The following MRPL48 variants were observed in gnomAD, a reference collection of about 807,000 sequenced individuals.
MRPL48 encodes the protein large ribosomal subunit protein mL48.
Under a neutral mutation model 32.9 loss-of-function variants are expected in MRPL48, and 16 were observed. The ratio of observed to expected loss-of-function variants is 0.49; its 90% CI spans 0.33 to 0.74. The LOEUF is 0.74. Among genes scored for constraint, MRPL48 ranks in the 30% least tolerant of loss-of-function variants. The pLI is 0.02. For missense variants in MRPL48, 206 were observed against 245.3 expected, an observed-to-expected ratio of 0.84 and a Z score of 1.07; for synonymous variants, 94 against 89.2, an observed-to-expected ratio of 1.05 and a Z score of -0.31.
intron 5 of MRPL48, among the ~76,000 whole-genome samples, chr11:73,858,379 C>G (rs574064580): frequency 6.6e-6 from 1 of 152,326 alleles, no homozygotes; most frequent in Non-Finnish European, 1.5e-5. Context: ...CAATTTATAG[C>G]AGAAAAATGG....
chr11:73,850,032 A>G (rs1438024336), intron 5 of MRPL48, among the ~76,000 whole-genome samples: 1 of 152,144 alleles, frequency 6.6e-6, no homozygotes, highest in African/African-American at 2.4e-5. Flanking sequence ...CCCGGGAGGC[A>G]GAGGTTGCAG....
intron 5 of MRPL48, among the ~76,000 whole-genome samples, chr11:73,847,680 G>A (rs1275275908): frequency 2.0e-5 from 3 of 152,060 alleles, no homozygotes; most frequent in Non-Finnish European, 2.9e-5. Context: ...TCCTGACCTC[G>A]TGATCTGCCC....
intron 1 of MRPL48, among the ~76,000 whole-genome samples, chr11:73,795,572 T>C (rs1260196427): frequency 6.6e-6 from 1 of 151,712 alleles, no homozygotes; most frequent in Non-Finnish European, 1.5e-5. Context: ...AGTGGCGCGA[T>C]CTCCGCTCAC....
At chr11:73,798,081 A>AT (rs1565401136) in intron 1 of MRPL48, among the ~76,000 whole-genome samples, 1 of 151,840 alleles carries the variant, frequency 6.6e-6, no homozygotes, top group African/African-American at 2.4e-5. Flanking sequence ...AAACAAAAAC[A>AT]ATTTTTTTTT....
At chr11:73,851,115 C>G (rs1209655130) in intron 5 of MRPL48, 1 of 476,816 alleles carries the variant, frequency 2.1e-6, no homozygotes, top group East Asian at 5.9e-5. Context: ...AATTTATATA[C>G]TATTTTCTGT....
At chr11:73,788,510 G>T (rs1458725652) in intron 1 of MRPL48, among the ~76,000 whole-genome samples, 29 of 104,668 alleles carry the variant, frequency 2.8e-4, no homozygotes, top group African/African-American at 1.0e-3. Flanking sequence ...ATTTCGCTCT[G>T]TTGCCCAGGC....
At chr11:73,788,061 G>GGTGCAGAGAGGGGAGATGGCGGAC in intron 1 of MRPL48, 69 bp downstream of exon 1, 2 of 1,225,874 alleles carry the variant, frequency 1.6e-6, no homozygotes, top group East Asian at 5.5e-5. Flanking sequence ...AGATGGCGGA[G>GGTGCAGAGAGGGGAGATGGCGGAC]GGTGCAGAGC....
At chr11:73,815,917 G>C (rs1947660162) in intron 3 of MRPL48, among the ~76,000 whole-genome samples, 1 of 151,032 alleles carries the variant, frequency 6.6e-6, no homozygotes. Flanking sequence ...ATAGAGACAG[G>C]GTCTCCCTAC....
chr11:73,859,708 A>G (rs1435518838), intron 5 of MRPL48, among the ~76,000 whole-genome samples, 199 bp from the exon 6 acceptor site: 2 of 152,146 alleles, frequency 1.3e-5, no homozygotes, highest in Non-Finnish European at 2.9e-5. Flanking sequence ...GCAGAACTGC[A>G]TTAAACATGG....
At chr11:73,832,162 C>A (rs1033754679) in intron 4 of MRPL48, among the ~76,000 whole-genome samples, 4 of 152,114 alleles carry the variant, frequency 2.6e-5, no homozygotes, top group African/African-American at 9.7e-5. Context: ...CATATGTTCT[C>A]ATTTCCAGGC....
intron 4 of MRPL48, among the ~76,000 whole-genome samples, chr11:73,843,618 A>G (rs1456583961): frequency 6.6e-6 from 1 of 152,190 alleles, no homozygotes; most frequent in Non-Finnish European, 1.5e-5. Context: ...TAATTATTCT[A>G]CCTTTCAGTT....
At chr11:73,839,092 T>C (rs1948148849) in intron 4 of MRPL48, among the ~76,000 whole-genome samples, 1 of 152,236 alleles carries the variant, frequency 6.6e-6, no homozygotes, top group South Asian at 2.1e-4. Flanking sequence ...GTATTAACCA[T>C]TTTACATATA....
At chr11:73,814,397 GAAAAA>G (rs367618546) in intron 3 of MRPL48, among the ~76,000 whole-genome samples, 2,364 of 149,446 alleles carry the variant, frequency 0.016, 64 homozygotes, top group African/African-American at 0.056. Flanking sequence ...GTCTCAAAAA[GAAAAA>G]AAAAGAGTGA....
chr11:73,809,691 AAC>A (rs1409373324), intron 3 of MRPL48, among the ~76,000 whole-genome samples: 1 of 152,146 alleles, frequency 6.6e-6, no homozygotes, highest in Non-Finnish European at 1.5e-5. Context: ...TCTCTGTTTC[AAC>A]CCAATTACTT....
chr11:73,802,145 C>A (rs141299498), intron 1 of MRPL48: 1 of 152,320 alleles, frequency 6.6e-6, no homozygotes, highest in African/African-American at 2.4e-5. Flanking sequence ...CTAAGGATTT[C>A]TCTTAGCCAT....
intron 4 of MRPL48, among the ~76,000 whole-genome samples, chr11:73,829,360 CT>C (rs921838163): frequency 1.8e-4 from 27 of 147,138 alleles, no homozygotes; most frequent in African/African-American, 3.5e-4. Context: ...TTCTTTCTTT[CT>C]TTTTTTTTTT....
rs1397482048 is a variant in MRPL48 at position 73,845,073 on chromosome 11, A to G, written c.371+97A>G. 6.6e-6 allele frequency: 8 copies of G among 1,217,076 alleles called. No individual in the cohort carries two copies. The East Asian group carries it at 1.9e-4, about 30-fold the overall frequency. The allele number at this position is 1,217,076 out of a possible 1,614,324, so 75.4% of individuals were successfully genotyped here. A position where few individuals can be genotyped will look rare whatever the true frequency, so the allele number is the denominator to read the frequency against. On this transcript the variant is annotated intron_variant, in intron 5 of 7. Transcript: ENST00000310614. ...TTTTGAGATACAGTTTACATGTAGT[A>G]AAATTAACTCTTTTTAGTTATATAA...
At chr11:73,816,715 T>A (rs1055697092) in intron 3 of MRPL48, among the ~76,000 whole-genome samples, 6 of 151,932 alleles carry the variant, frequency 3.9e-5, no homozygotes, top group African/African-American at 1.5e-4. Flanking sequence ...CCGCCCGCCT[T>A]GGCCTCCTAA....
At chr11:73,832,773 A>C (rs1948019383) in intron 4 of MRPL48, 1 of 152,326 alleles carries the variant, frequency 6.6e-6, no homozygotes, top group Middle Eastern at 3.4e-3. Flanking sequence ...GGACTGGCTT[A>C]GGGAGAGTTA....
Sources: allele counts gnomAD v4.1 joint callset (sites outside exome capture counted in the v4.1 genomes callset), GRCh38; gene constraint gnomAD v4.1.1; transcripts MANE v1.5; gene names NCBI Gene and HGNC (gene_info 2026-07-23, HGNC 2026-07-21).